The following SH2D3C variants were observed in gnomAD, a reference collection of about 807,000 sequenced individuals.
The protein encoded by SH2D3C is SH2 domain containing 3C, also known as SH2 domain-containing protein 3C.
Under a neutral mutation model 75.2 loss-of-function variants are expected in SH2D3C, and 25 were observed. The ratio of observed to expected loss-of-function variants is 0.33; its 90% CI spans 0.24 to 0.46. SH2D3C has a LOEUF of 0.46. Ranked by LOEUF, SH2D3C falls within the 20% of genes least tolerant of loss-of-function variation. The pLI, the probability that SH2D3C is intolerant of heterozygous loss-of-function variation, is 1.00. For missense variants in SH2D3C, 933 were observed against 1,165.3 expected, an observed-to-expected ratio of 0.80 and a Z score of 2.90; for synonymous variants, 450 against 473.7, an observed-to-expected ratio of 0.95 and a Z score of 0.65.
At chr9:127,768,737 C>A (rs936210527) in intron 2 of SH2D3C, among the ~76,000 whole-genome samples, 2 of 152,208 alleles carry the variant, frequency 1.3e-5, no homozygotes, top group African/African-American at 4.8e-5. Context: ...CCAGGCCCTA[C>A]GTTATCTGCT....
chr9:127,745,140 C>T, intron 6 of SH2D3C, 41 bp from the exon 7 acceptor site: 1 of 1,446,948 alleles, frequency 6.9e-7, no homozygotes, highest in Non-Finnish European at 9.1e-7. Flanking sequence ...ATAGCAGCTC[C>T]CCACCAAAGT....
rs753849177 is a variant in SH2D3C, at chr9:127,742,836, G to A, written c.1916+13C>T. The A allele has an allele frequency of 6.2e-7, 1 of 1,601,188 alleles. No individual in the cohort carries two copies. The highest frequency in any genetic ancestry group is 8.5e-7 in the Non-Finnish European group (1 of 1,171,714). On this transcript the variant is annotated intron_variant, in intron 8 of 11. Transcript: ENST00000314830. ...GGTTCCCCGCGAGTCCCCGGGTGCCGGCGCTGTCTCACCTTTCCAGCAGGT... is the reference window on the plus strand; with the variant it reads ...GGTTCCCCGCGAGTCCCCGGGTGCCAGCGCTGTCTCACCTTTCCAGCAGGT...
At chr9:127,765,942 A>G (rs1845625482) in intron 2 of SH2D3C, among the ~76,000 whole-genome samples, 1 of 152,182 alleles carries the variant, frequency 6.6e-6, no homozygotes, top group Admixed American at 6.5e-5. Flanking sequence ...AACCCCTTTC[A>G]CTGCCTGTAT....
chr9:127,768,799 G>A (rs1588523108), intron 2 of SH2D3C, among the ~76,000 whole-genome samples: 1 of 101,866 alleles, frequency 9.8e-6, no homozygotes, highest in African/African-American at 3.8e-5. Flanking sequence ...TCCCCACCTT[G>A]CTCTGCCCCG....
chr9:127,762,914 T>G (rs1845563636), intron 2 of SH2D3C, among the ~76,000 whole-genome samples: 1 of 152,226 alleles, frequency 6.6e-6, no homozygotes, highest in Non-Finnish European at 1.5e-5. Flanking sequence ...ACCATGATTA[T>G]GCCAGAAAAA....
At position 127,739,668 on chromosome 9, in the gene SH2D3C, C is replaced by A; in HGVS notation, c.2407+14G>T. On this transcript the variant is annotated intron_variant, in intron 11 of 11. Transcript: ENST00000314830. The surrounding 1 kb of genome is among the most constrained non-coding windows in gnomAD (Gnocchi z 4.3). ...CAGGCCTGCAAGCCCCCCAAGATGC[C>A]ACCCGCCACTCACCCTGCAGCTTGA... 6.3e-7 allele frequency: 1 copy of A among 1,589,698 alleles called. No individual in the cohort carries two copies. The highest frequency in any genetic ancestry group is 2.3e-4 in the Middle Eastern group (1 of 4,374).
At chr9:127,778,163 A>C (rs1197428645) in intron 1 of SH2D3C, among the ~76,000 whole-genome samples, 1 of 150,234 alleles carries the variant, frequency 6.7e-6, no homozygotes, top group Non-Finnish European at 1.5e-5. Context: ...AATTTTTTGT[A>C]TTTTTAGTAG....
At chr9:127,764,991 G>A (rs10760498) in intron 2 of SH2D3C, among the ~76,000 whole-genome samples, 79,772 of 151,912 alleles carry the variant, frequency 0.53, 21,977 homozygotes, top group East Asian at 0.96. Flanking sequence ...GATTACAGGC[G>A]TGAGCCACCA....
In SH2D3C at chr9:127,754,926, C is replaced by G. The variant is rs927172506; in HGVS notation, c.556-3626G>C. 2.0e-6 allele frequency: 1 copy of G among 509,380 alleles called. No individual in the cohort carries two copies. Among genetic ancestry groups the G allele is most frequent in the African/African-American group, 2.0e-5 (1 of 49,158 alleles). 31.6% of individuals were successfully genotyped at this position (509,380 alleles called of 1,614,324 possible). A position where few individuals can be genotyped will look rare whatever the true frequency, so the allele number is the denominator to read the frequency against. ...GCGCCCAGAGGTGAGGCTGGGGTGACCCCGCCCCCTCCCCGGGTCGGCCGG... is the reference window on the plus strand; with the variant it reads ...GCGCCCAGAGGTGAGGCTGGGGTGAGCCCGCCCCCTCCCCGGGTCGGCCGG... On this transcript the variant is annotated intron_variant, in intron 3 of 11. Transcript: ENST00000314830. This position sits in a 1 kb window ranked among gnomAD's most constrained non-coding sequence, Gnocchi z 4.4.
rs759773535 is a variant in SH2D3C at position 127,739,805 on chromosome 9, C to T, written c.2284G>A (p.Gly762Ser). 9 of 1,594,616 alleles carry T rather than the reference C, an allele frequency of 5.6e-6. No individual in the cohort carries two copies. Among genetic ancestry groups the T allele is most frequent in the Non-Finnish European group, 7.7e-6 (9 of 1,171,178 alleles). ...LLECDSAPPE[G>S]PEPWGSTEHG... ...TCCGTGCTGCCCCAGGGCTCAGGGC[C>T]CTCTGGTGGGGCCGAGTCACACTCC... The change falls in exon 11 of 12, where the codon GGC becomes AGC. Residue 762 changes from glycine (G) to serine (S), a missense_variant. By Grantham distance (56) the Gly-to-Ser change is moderately conservative (BLOSUM62 0). Transcript: ENST00000314830. The surrounding 1 kb of genome is among the most constrained non-coding windows in gnomAD (Gnocchi z 4.3).
chr9:127,747,847 C>T (rs966327243), intron 5 of SH2D3C, among the ~76,000 whole-genome samples: 1 of 152,060 alleles, frequency 6.6e-6, no homozygotes, highest in East Asian at 1.9e-4. Flanking sequence ...GCCATTAGCC[C>T]GGTTCCTAGT....
In SH2D3C at chr9:127,751,096, T is replaced by C; in HGVS notation, c.684+76A>G. Reference sequence around the variant, plus strand: ...AACAGGTCAGAGCCTCCCAGGTGGCTGCAGCCAGGGCTGGGGCTGGCCAAG... The same window carrying C: ...AACAGGTCAGAGCCTCCCAGGTGGCCGCAGCCAGGGCTGGGGCTGGCCAAG... On this transcript the variant is annotated intron_variant, in intron 4 of 11. Coordinates refer to ENST00000314830, the MANE Select transcript of SH2D3C (RefSeq NM_170600.3). This position sits in a 1 kb window ranked among gnomAD's most constrained non-coding sequence, Gnocchi z 4.1. 1 of 1,486,654 alleles carries C rather than the reference T, an allele frequency of 6.7e-7. No homozygotes were observed. Among genetic ancestry groups the C allele is most frequent in the Non-Finnish European group, 9.3e-7 (1 of 1,075,562 alleles). 92.1% of individuals were successfully genotyped at this position (1,486,654 alleles called of 1,614,324 possible). A position where few individuals can be genotyped will look rare whatever the true frequency, so the allele number is the denominator to read the frequency against.
chr9:127,771,595 C>A (rs1845741049), intron 2 of SH2D3C, among the ~76,000 whole-genome samples: 1 of 152,180 alleles, frequency 6.6e-6, no homozygotes, highest in African/African-American at 2.4e-5. Context: ...GGCCACGCCC[C>A]TAGACACGCC....
intron 2 of SH2D3C, chr9:127,771,288 C>T (rs889796917): frequency 9.8e-5 from 149 of 1,513,220 alleles, no homozygotes; most frequent in Non-Finnish European, 1.3e-4. Flanking sequence ...CGGCTCCTGC[C>T]TTTCTCGGGC....
chr9:127,763,259 C>G (rs1405342174), intron 2 of SH2D3C, among the ~76,000 whole-genome samples: 2 of 152,194 alleles, frequency 1.3e-5, no homozygotes, highest in Non-Finnish European at 2.9e-5. Context: ...GTGTTCCCAA[C>G]CCTACTTTAT....
intron 2 of SH2D3C, among the ~76,000 whole-genome samples, chr9:127,764,614 C>T (rs551754008): frequency 6.6e-6 from 1 of 152,312 alleles, no homozygotes; most frequent in Admixed American, 6.5e-5. Context: ...CCCCACCCCA[C>T]CTCAGGGTCT....
Position 127,739,343 on chromosome 9 carries a change from T to C in SH2D3C, c.2407+339A>G, listed in dbSNP as rs1043346353. ...GCCCAACATGGTGGAACCCCACCTCTACTAAAAATACAAAAAATTGGCCAG... is the reference window on the plus strand; with the variant it reads ...GCCCAACATGGTGGAACCCCACCTCCACTAAAAATACAAAAAATTGGCCAG... On this transcript the variant is annotated intron_variant, in intron 11 of 11. Transcript: ENST00000314830. This position sits in a 1 kb window ranked among gnomAD's most constrained non-coding sequence, Gnocchi z 4.3. 1.3e-5 allele frequency among the ~76,000 whole-genome samples: 2 copies of C among 151,978 alleles called. No individual in the cohort carries two copies. Among genetic ancestry groups the C allele is most frequent in the African/African-American group, 2.4e-5 (1 of 41,386 alleles).
At chr9:127,768,427 G>C (rs1186692032) in intron 2 of SH2D3C, among the ~76,000 whole-genome samples, 2 of 152,058 alleles carry the variant, frequency 1.3e-5, no homozygotes, top group African/African-American at 4.8e-5. Flanking sequence ...AGTGAGGGTA[G>C]GGGCTTGGAT....
chr9:127,761,679 C>T, intron 2 of SH2D3C, 29 bp from the exon 3 acceptor site: 1 of 1,602,716 alleles, frequency 6.2e-7, no homozygotes, highest in Non-Finnish European at 8.5e-7. Flanking sequence ...AGTGAGCATC[C>T]CCAGCCCTGC....
Sources: allele counts gnomAD v4.1 joint callset (sites outside exome capture counted in the v4.1 genomes callset), GRCh38; gene constraint gnomAD v4.1.1; non-coding constraint Gnocchi (gnomAD v3.1); transcripts MANE v1.5; gene names NCBI Gene and HGNC (gene_info 2026-07-23, HGNC 2026-07-21).